The following PPIL2 variants were observed in gnomAD, a reference collection of about 807,000 sequenced individuals.
PPIL2 encodes RING-type E3 ubiquitin-protein ligase PPIL2.
A neutral mutation model predicts 75.2 loss-of-function variants in PPIL2; 50 were observed. The ratio of observed to expected loss-of-function variants is 0.66; its 90% CI spans 0.53 to 0.84. PPIL2 has a LOEUF of 0.84. Ranked by LOEUF, PPIL2 falls within the 40% of genes least tolerant of loss-of-function variation. The pLI, the probability that PPIL2 is intolerant of heterozygous loss-of-function variation, is 0.00. For missense variants in PPIL2, 590 were observed against 685.0 expected (o/e 0.86, Z 1.55); for synonymous variants, 245 against 258.8 (o/e 0.95, Z 0.51).
Position 21,686,470 on chromosome 22 carries a change from G to A in PPIL2, c.715-13G>A. On this transcript the variant is annotated splice_polypyrimidine_tract_variant and intron_variant, in intron 10 of 19. Transcript: ENST00000398831. ...ATGGCACTGCTGAGGTGCCACCCTG[G>A]TTTCCTTGGCAGGCCCACTATTCCA... 6.2e-7 allele frequency: 1 copy of A among 1,613,800 alleles called. No homozygotes were observed. Among genetic ancestry groups the A allele is most frequent in the Non-Finnish European group, 8.5e-7 (1 of 1,179,768 alleles).
intron 8 of PPIL2, 150 bp from the exon 9 acceptor site, chr22:21,683,032 C>A: frequency 1.4e-6 from 1 of 727,726 alleles, no homozygotes; most frequent in Non-Finnish European, 2.5e-6. Context: ...GGCAGACCAC[C>A]TCCTCCCTCA....
At chr22:21,686,396 G>A (rs2067362020) in intron 10 of PPIL2, 87 bp from the exon 11 acceptor site, 17 of 1,283,120 alleles carry the variant, frequency 1.3e-5, no homozygotes, top group Admixed American at 6.8e-5. Flanking sequence ...CAGGGGTGGC[G>A]TGTGGTTGGC....
In PPIL2 at chr22:21,687,790, G is replaced by A. The variant is rs741617; in HGVS notation, c.987+58G>A. The A allele has an allele frequency of 6.5e-6, 10 of 1,531,930 alleles. No individual in the cohort carries two copies. In the South Asian group the frequency reaches 1.1e-4, roughly 17 times the overall value. The allele number at this position is 1,531,930 out of a possible 1,614,324, so 94.9% of individuals were successfully genotyped here. The stretch of plus-strand genomic sequence containing the variant: ...AGCTTGGTGGGACATCGGGGGCTGG[G>A]TGGGCTTGTCCCTGCCCCATCCCAG... On this transcript the variant is annotated intron_variant, in intron 13 of 19. Coordinates refer to ENST00000398831, the MANE Select transcript of PPIL2 (RefSeq NM_014337.4).
chr22:21,674,702 C>T (rs537886582), intron 5 of PPIL2, among the ~76,000 whole-genome samples: 6 of 152,232 alleles, frequency 3.9e-5, no homozygotes, highest in Middle Eastern at 3.4e-3. Flanking sequence ...TCTGTGTGTC[C>T]CACCACTCTA....
In PPIL2 at chr22:21,688,092, C is replaced by T. The variant is rs1027048682; in HGVS notation, c.1007C>T (p.Thr336Ile). The T allele has an allele frequency of 6.2e-6, 10 of 1,614,084 alleles. No homozygotes were observed. In the East Asian group the frequency reaches 1.1e-4, roughly 18 times the overall value. The change falls in exon 14 of 20, where the codon ACA becomes ATA. Residue 336 changes from threonine to isoleucine, a missense_variant. Thr to Ile is a moderately conservative substitution (Grantham distance 89). Coordinates refer to ENST00000398831, the MANE Select transcript of PPIL2 (RefSeq NM_014337.4). ...RNFVIQGGDPTGTGTGGESYW... is the reference protein window; with the variant it reads ...RNFVIQGGDPIGTGTGGESYW... ...TCACAGATCCAAGGGGGCGACCCCACAGGCACAGGCACGGGTAGGTACTGG... is the reference window on the plus strand; with the variant it reads ...TCACAGATCCAAGGGGGCGACCCCATAGGCACAGGCACGGGTAGGTACTGG...
chr22:21,678,002 CTG>C (rs2066950427), intron 6 of PPIL2, among the ~76,000 whole-genome samples: 1 of 152,164 alleles, frequency 6.6e-6, no homozygotes, highest in African/African-American at 2.4e-5. Context: ...TCAAGGGTGT[CTG>C]TGCCCAGCTG....
In PPIL2 at chr22:21,675,078, G is replaced by A. The variant is rs1296884430; in HGVS notation, c.258G>A (p.Arg86=). The A allele has an allele frequency of 1.2e-6, 2 of 1,612,554 alleles. No individual in the cohort carries two copies. Among genetic ancestry groups the A allele is most frequent in the South Asian group, 1.1e-5 (1 of 91,050 alleles). The change falls in exon 6 of 20, where the codon AGG becomes AGA. Residue 86 remains arginine, a synonymous_variant. Coordinates refer to ENST00000398831, the MANE Select transcript of PPIL2 (RefSeq NM_014337.4). The part of the protein sequence containing the change: ...NPSNGEKLDG[R]SLIKLNFSKN... ...GCTTCTTCCAGAAGCTGGACGGGAG[G>A]TCCCTGATCAAGCTGAACTTTTCCA... is the stretch of plus-strand genomic sequence containing the variant.
chr22:21,681,260 C>T, intron 6 of PPIL2, 39 bp from the exon 7 acceptor site: 3 of 1,527,844 alleles, frequency 2.0e-6, no homozygotes, highest in Non-Finnish European at 1.8e-6. Context: ...TCACAGCCCA[C>T]AGAGGTGACT....
At chr22:21,687,803 T>A (rs1239972821) in intron 13 of PPIL2, 71 bp downstream of exon 13, 6 of 1,449,314 alleles carry the variant, frequency 4.1e-6, no homozygotes, top group Non-Finnish European at 5.8e-6. Flanking sequence ...GGCTTGTCCC[T>A]GCCCCATCCC....
intron 5 of PPIL2, among the ~76,000 whole-genome samples, chr22:21,672,849 A>C (rs1235284087): frequency 6.6e-6 from 1 of 152,038 alleles, no homozygotes; most frequent in Non-Finnish European, 1.5e-5. Flanking sequence ...ACTGTGCGAG[A>C]CGGAGGGTCG....
At chr22:21,674,380 G>T (rs893256572) in intron 5 of PPIL2, among the ~76,000 whole-genome samples, 1 of 152,106 alleles carries the variant, frequency 6.6e-6, no homozygotes, top group Non-Finnish European at 1.5e-5. Context: ...TAAGAAAAAA[G>T]AAAAAACATC....
In PPIL2 at chr22:21,695,726, A is replaced by G. The variant is rs1002047407; in HGVS notation, c.*236A>G. 7.5e-7 allele frequency: 1 copy of G among 1,341,110 alleles called. No individual in the cohort carries two copies. Among genetic ancestry groups the G allele is most frequent in the Non-Finnish European group, 9.6e-7 (1 of 1,040,314 alleles). The allele number at this position is 1,341,110 out of a possible 1,614,324, so 83.1% of individuals were successfully genotyped here. A position where few individuals can be genotyped will look rare whatever the true frequency, so the allele number is the denominator to read the frequency against. Reference sequence around the variant, plus strand: ...GGCCCAGCCAGAGCCCACTGCTGGGACCTTCAAGCACAAGGCCTGCCCTAC... The same window carrying G: ...GGCCCAGCCAGAGCCCACTGCTGGGGCCTTCAAGCACAAGGCCTGCCCTAC... On this transcript the variant is annotated 3_prime_UTR_variant, in exon 20 of 20. Coordinates refer to ENST00000398831, the MANE Select transcript of PPIL2 (RefSeq NM_014337.4).
chr22:21,686,666 C>A, intron 11 of PPIL2, 108 bp downstream of exon 11: 1 of 1,196,732 alleles, frequency 8.4e-7, no homozygotes, highest in Non-Finnish European at 1.2e-6. Flanking sequence ...CTCCCACTGT[C>A]ACCTGAGCCC....
At position 21,695,318 on chromosome 22, in the gene PPIL2, G is replaced by T. The variant is rs868180514; in HGVS notation, c.1467-76G>T. 5.6e-4 allele frequency: 835 copies of T among 1,500,128 alleles called. 6 individuals carry two copies. In the Middle Eastern group the frequency reaches 7.4e-3, roughly 13 times the overall value. 92.9% of individuals were successfully genotyped at this position (1,500,128 alleles called of 1,614,324 possible). A position where few individuals can be genotyped will look rare whatever the true frequency, so the allele number is the denominator to read the frequency against. ...GGAGGGGTTGGGCCTACACCGGGAG[G>T]GCTGTATGGAGACACAGACAAGTCA... On this transcript the variant is annotated intron_variant, in intron 19 of 19. Transcript: ENST00000398831.
At chr22:21,682,595 C>CTGCCTCCTCAGTGTAG in intron 8 of PPIL2, 69 bp downstream of exon 8, 1 of 1,280,430 alleles carries the variant, frequency 7.8e-7, no homozygotes, top group African/African-American at 1.6e-5. Context: ...CTCTACAGGG[C>CTGCCTCCTCAGTGTAG]CCTACCCCCA....
chr22:21,680,525 C>T (rs1387954112), intron 6 of PPIL2, among the ~76,000 whole-genome samples: 9 of 150,276 alleles, frequency 6.0e-5, no homozygotes, highest in African/African-American at 2.2e-4. Context: ...AGCAAGACTC[C>T]ATCTCAAAAC....
intron 4 of PPIL2, 33 bp from the exon 5 acceptor site, chr22:21,672,297 C>G: frequency 1.3e-6 from 2 of 1,589,868 alleles, no homozygotes; most frequent in Non-Finnish European, 1.7e-6. Context: ...CCTAAGCACC[C>G]TGGTGATGCT....
chr22:21,698,524 G>A (rs1183415905), downstream of PPIL2: 5 of 152,472 alleles, frequency 3.3e-5, no homozygotes, highest in East Asian at 1.9e-4. Context: ...GGGACGGCAC[G>A]AACCTCCAAC....
intron 19 of PPIL2, 25 bp downstream of exon 19, chr22:21,695,095 C>A: frequency 6.4e-7 from 1 of 1,573,996 alleles, no homozygotes; most frequent in South Asian, 1.1e-5. Flanking sequence ...GCTGGCCTCC[C>A]TGTTTCCCAT....
Sources: allele counts gnomAD v4.1 joint callset (sites outside exome capture counted in the v4.1 genomes callset), GRCh38; gene constraint gnomAD v4.1.1; transcripts MANE v1.5; gene names NCBI Gene and HGNC (gene_info 2026-07-23, HGNC 2026-07-21).